CTSC: variants seen among roughly 807,000 people sequenced by gnomAD.
CTSC encodes the protein dipeptidyl peptidase 1.
Under a neutral mutation model 40.9 loss-of-function variants are expected in CTSC, and 37 were observed. That is an observed-to-expected ratio of 0.91 (90% CI 0.70 to 1.19). The LOEUF (loss-of-function observed/expected upper bound fraction) is 1.19. Ranked by LOEUF, CTSC falls within the 50% of genes most tolerant of loss-of-function variation. The pLI is 0.00. For synonymous variants in CTSC, 232 were observed against 207.4 expected (o/e 1.12, Z -1.02); for missense variants, 594 against 567.3 (o/e 1.05, Z -0.48).
chr11:88,337,470 G>A (rs190567956), intron 1 of CTSC, 31 bp downstream of exon 1: 45 of 1,555,304 alleles, frequency 2.9e-5, no homozygotes, highest in African/African-American at 2.6e-4. Context: ...CAGAAAGGAC[G>A]ACCCGGAGGA....
chr11:88,329,576 G>A (rs923247753), intron 2 of CTSC, among the ~76,000 whole-genome samples: 15 of 151,576 alleles, frequency 9.9e-5, no homozygotes, highest in Non-Finnish European at 8.8e-5. Context: ...GCTACACAGA[G>A]GAGCTTTATA....
In CTSC at chr11:88,328,254, G is replaced by C. The variant is rs976405261; in HGVS notation, c.318+6683C>G. 1.2e-5 allele frequency: 15 copies of C among 1,214,926 alleles called. No homozygotes were observed. In the Admixed American group the frequency reaches 2.2e-4, roughly 18 times the overall value. 75.3% of individuals were successfully genotyped at this position (1,214,926 alleles called of 1,614,324 possible). On this transcript the variant is annotated intron_variant, in intron 2 of 6. Coordinates refer to ENST00000227266, the MANE Select transcript of CTSC (RefSeq NM_001814.6). ...TTATGTTGAGATTAAGCATCATCATGAAAGAAGACATAAAATAGTTAGGCA... is the reference window on the plus strand; with the variant it reads ...TTATGTTGAGATTAAGCATCATCATCAAAGAAGACATAAAATAGTTAGGCA...
At chr11:88,315,271 G>A (rs996618863) in intron 2 of CTSC, among the ~76,000 whole-genome samples, 6 of 152,146 alleles carry the variant, frequency 3.9e-5, no homozygotes, top group African/African-American at 1.4e-4. Context: ...GTTCTTAAGA[G>A]CTACTTTATA....
At chr11:88,298,963 TA>T (rs1160703676) in intron 5 of CTSC, 1 of 152,188 alleles carries the variant, frequency 6.6e-6, no homozygotes, top group African/African-American at 2.4e-5. Context: ...CCAATGAATT[TA>T]AAAAATGCTT....
intron 4 of CTSC, among the ~76,000 whole-genome samples, chr11:88,303,749 C>G (rs1937606028): frequency 6.6e-6 from 1 of 152,214 alleles, no homozygotes; most frequent in Non-Finnish European, 1.5e-5. Context: ...GTAAACACAG[C>G]AAGGCCTGTC....
chr11:88,300,332 G>GT (rs1259951567), intron 5 of CTSC, among the ~76,000 whole-genome samples, 198 bp downstream of exon 5: 3 of 152,196 alleles, frequency 2.0e-5, no homozygotes, highest in Non-Finnish European at 2.9e-5. Context: ...GCTAAGCTCA[G>GT]TAGAAAAGAA....
Position 88,309,460 on chromosome 11 carries a change from T to G in CTSC, c.486-142A>C. 8.1e-6 allele frequency: 6 copies of G among 739,572 alleles called. No homozygotes were observed. The South Asian group carries it at 8.9e-5, about 11-fold the overall frequency. 45.8% of individuals were successfully genotyped at this position (739,572 alleles called of 1,614,324 possible). A position where few individuals can be genotyped will look rare whatever the true frequency, so the allele number is the denominator to read the frequency against. On this transcript the variant is annotated intron_variant, in intron 3 of 6. Coordinates refer to ENST00000227266, the MANE Select transcript of CTSC (RefSeq NM_001814.6). ...TAATTGGCAATATGTATCAATAGCC[T>G]AGAACAGCCTGGCATGTCTTCTCTA...
intron 4 of CTSC, among the ~76,000 whole-genome samples, chr11:88,308,457 A>G (rs1212805112): frequency 2.0e-5 from 3 of 151,456 alleles, no homozygotes; most frequent in Non-Finnish European, 2.9e-5. Flanking sequence ...GGGAAATTTT[A>G]TATTTATTTT....
At chr11:88,310,343 T>C (rs990553288) in intron 3 of CTSC, among the ~76,000 whole-genome samples, 2 of 152,198 alleles carry the variant, frequency 1.3e-5, no homozygotes, top group African/African-American at 4.8e-5. Context: ...AAGCTGATTA[T>C]TCACTTAATT....
chr11:88,334,168 T>A lies in CTSC; in HGVS notation c.318+769A>T, dbSNP rs117594020. ...TCTGTCTTAATTTATACTCTATGTA[T>A]AATGAGAAACGCCTAGTTTCAGGCT... On this transcript the variant is annotated intron_variant, in intron 2 of 6. Coordinates refer to ENST00000227266, the MANE Select transcript of CTSC (RefSeq NM_001814.6). Among the ~76,000 whole-genome samples the A allele has an allele frequency of 9.0e-4, 137 of 152,358 alleles. 2 individuals carry two copies. The East Asian group carries it at 0.026, about 28-fold the overall frequency.
At chr11:88,309,449 T>A (rs1458964834) in intron 3 of CTSC, 131 bp from the exon 4 acceptor site, 1 of 799,262 alleles carries the variant, frequency 1.3e-6, no homozygotes, top group Admixed American at 1.8e-5. Context: ...TGGCAATATG[T>A]ATCAATAGCC....
chr11:88,306,196 T>C (rs1388007395), intron 4 of CTSC, among the ~76,000 whole-genome samples: 1 of 152,196 alleles, frequency 6.6e-6, no homozygotes, highest in Admixed American at 6.5e-5. Flanking sequence ...ATGCCATCAG[T>C]TGGACAGGAA....
At chr11:88,325,116 A>T in intron 2 of CTSC, 2 of 985,422 alleles carry the variant, frequency 2.0e-6, no homozygotes, top group Non-Finnish European at 2.4e-6. Context: ...CCAACAGAGC[A>T]GGAAACAAGA....
In CTSC at chr11:88,294,005, C is replaced by T; in HGVS notation, c.*1G>A. On this transcript the variant is annotated 3_prime_UTR_variant, in exon 7 of 7. Coordinates refer to ENST00000227266, the MANE Select transcript of CTSC (RefSeq NM_001814.6). ...CATTATGAAATACTGGAAGGCATAC[C>T]CTACAATTTAGGAATTGGTGTGGCT... 1.2e-6 allele frequency: 2 copies of T among 1,613,794 alleles called. No individual in the cohort carries two copies. Among genetic ancestry groups the T allele is most frequent in the Non-Finnish European group, 1.7e-6 (2 of 1,179,946 alleles).
chr11:88,303,974 C>T (rs150812458), intron 4 of CTSC, among the ~76,000 whole-genome samples: 9 of 151,226 alleles, frequency 6.0e-5, no homozygotes, highest in South Asian at 2.1e-4. Flanking sequence ...CCTAATGTGC[C>T]CCAACGTTAA....
chr11:88,306,075 G>A (rs924392069), intron 4 of CTSC, among the ~76,000 whole-genome samples: 2 of 152,144 alleles, frequency 1.3e-5, no homozygotes, highest in African/African-American at 2.4e-5. Context: ...GATATGCTCC[G>A]TTTTCCAATT....
At chr11:88,327,275 T>C (rs963637332) in intron 2 of CTSC, among the ~76,000 whole-genome samples, 1 of 152,222 alleles carries the variant, frequency 6.6e-6, no homozygotes, top group African/African-American at 2.4e-5. Context: ...GCTGGTTCAT[T>C]ATAAAGTTTG....
chr11:88,316,347 G>T (rs1422960867), intron 2 of CTSC, among the ~76,000 whole-genome samples: 1 of 152,114 alleles, frequency 6.6e-6, no homozygotes, highest in Non-Finnish European at 1.5e-5. Flanking sequence ...AGTGGCTCAT[G>T]CCTTTAATCC....
At chr11:88,336,239 A>T (rs1479204740) in intron 1 of CTSC, among the ~76,000 whole-genome samples, 1 of 8,078 alleles carries the variant, frequency 1.2e-4, no homozygotes, top group African/African-American at 5.2e-4. Flanking sequence ...ACTCAAATTT[A>T]AAAAAAAAAA....
Sources: gnomAD v4.1 joint callset for allele counts (sites outside exome capture counted in the v4.1 genomes callset) on GRCh38, gnomAD v4.1.1 for gene constraint, MANE v1.5 for transcripts, NCBI Gene and HGNC (gene_info 2026-07-23, HGNC 2026-07-21) for gene names.